ARHGAP30: variants seen among roughly 807,000 people sequenced by gnomAD.
The protein encoded by ARHGAP30 is rho GTPase-activating protein 30.
In ARHGAP30, 23 loss-of-function variants were observed where a neutral mutation model predicts 72.0. The observed-to-expected ratio is 0.32, with a 90% confidence interval of 0.23 to 0.45. The LOEUF (loss-of-function observed/expected upper bound fraction) is 0.45. ARHGAP30 is among the 20% of genes least tolerant of loss of function. The pLI is 1.00. For missense variants in ARHGAP30, 1,319 were observed against 1,383.4 expected (o/e 0.95, Z 0.74); for synonymous variants, 576 against 528.2 (o/e 1.09, Z -1.24).
chr1:161,055,851 TAAA>T (rs1189171804), intron 3 of ARHGAP30, among the ~76,000 whole-genome samples: 2 of 21,126 alleles, frequency 9.5e-5, no homozygotes, highest in Admixed American at 3.9e-4. Flanking sequence ...ATAAATAAAA[TAAA>T]ATAAATAAAA....
intron 3 of ARHGAP30, among the ~76,000 whole-genome samples, chr1:161,055,905 TAAAATA>T (rs1557926827): frequency 3.8e-4 from 10 of 26,572 alleles, no homozygotes; most frequent in Non-Finnish European, 8.3e-4. Flanking sequence ...TAAAATAAAA[TAAAATA>T]AAATAAAATA....
rs143729685 is a variant in ARHGAP30, at chr1:161,048,459, G to A, written c.2562C>T (p.Tyr854=). 532 of 1,613,906 alleles carry A rather than the reference G, an allele frequency of 3.3e-4. No individual in the cohort carries two copies. The highest frequency in any genetic ancestry group is 9.9e-4 in the Middle Eastern group (6 of 6,084). The stretch of plus-strand genomic sequence containing the variant: ...CAGAGAGGGTGTCCTCTTCTAAATA[G>A]TACCCTCCAGCCCTCTGGTCTCCCT... The part of the protein sequence containing the change: ...EAEGDQRAGG[Y]YLEEDTLSEG... The change falls in exon 12 of 12, where the codon TAC becomes TAT. Residue 854 remains tyrosine (Y), a synonymous_variant. Transcript: ENST00000368013.
chr1:161,047,827 C>T lies in ARHGAP30; in HGVS notation c.3194G>A (p.Arg1065His), dbSNP rs749244216. The change falls in exon 12 of 12, where the codon CGT (arginine) becomes CAT (histidine). Residue 1065 changes from arginine to histidine, a missense_variant. Physicochemically the swap from Arg to His is conservative, Grantham distance 29 (BLOSUM62 0). This residue lies in a region of ARHGAP30 where 1,097 missense variants were observed against 1,045.2 expected (regional missense o/e 1.05). Transcript: ENST00000368013. ...EGAEGSGSRSRLSLPPREPQV... is the reference protein window; with the variant it reads ...EGAEGSGSRSHLSLPPREPQV... The stretch of plus-strand genomic sequence containing the variant: ...GGGTTCTCTGGGGGGCAGACTAAGA[C>T]GACTCCGGGATCCAGACCCTTCTGC... The T allele has an allele frequency of 5.0e-6, 8 of 1,610,190 alleles. No individual in the cohort carries two copies. The highest frequency in any genetic ancestry group is 3.3e-5 in the South Asian group (3 of 90,546).
At chr1:161,056,602 AG>A in intron 2 of ARHGAP30, 70 bp from the exon 3 acceptor site, 1 of 1,538,114 alleles carries the variant, frequency 6.5e-7, no homozygotes, top group Non-Finnish European at 8.8e-7. Flanking sequence ...GTCCCTATAG[AG>A]ATGGGTCCCG....
chr1:161,052,041 ACCACCACCACCACC>A (rs1557921078), intron 9 of ARHGAP30, among the ~76,000 whole-genome samples: 10,057 of 33,510 alleles, frequency 0.3, 3,099 homozygotes, highest in Middle Eastern at 0.35. Flanking sequence ...CACCACCACC[ACCACCACCACCACC>A]ACCACATACC....
At chr1:161,063,319 A>G (rs973519151) in intron 1 of ARHGAP30, among the ~76,000 whole-genome samples, 4 of 152,238 alleles carry the variant, frequency 2.6e-5, no homozygotes, top group African/African-American at 9.6e-5. Context: ...AAGAACGTGG[A>G]TTGTGAAGAT....
Position 161,047,956 on chromosome 1 carries a change from G to A in ARHGAP30, c.3065C>T (p.Thr1022Ile). 2 of 1,614,084 alleles carry A rather than the reference G, an allele frequency of 1.2e-6. No individual in the cohort carries two copies. Among genetic ancestry groups the A allele is most frequent in the Middle Eastern group, 3.3e-4 (2 of 6,062 alleles). Residue 1022 changes from threonine (T) to isoleucine (I), a missense_variant, in exon 12 of 12, where the codon ACT becomes ATT. By Grantham distance (89) the Thr-to-Ile change is moderately conservative. Around this residue, in one of 2 missense-constraint regions of ARHGAP30, gnomAD observed 1,097 missense variants for 1,045.2 expected, o/e 1.05. Coordinates refer to ENST00000368013, the MANE Select transcript of ARHGAP30 (RefSeq NM_001025598.2). Reference protein sequence around the residue: ...AQGVRRTQTCTEGGDYCLIPR... With the variant: ...AQGVRRTQTCIEGGDYCLIPR... ...GATGAGGCAGTAATCCCCACCCTCA[G>A]TACAGGTCTGGGTTCGCCGAACTCC...
rs1557924854 is a variant in ARHGAP30 at position 161,054,490 on chromosome 1, C to G, written c.429-17G>C. The G allele has an allele frequency of 6.2e-7, 1 of 1,612,652 alleles. No homozygotes were observed. On this transcript the variant is annotated splice_polypyrimidine_tract_variant and intron_variant, in intron 4 of 11. Coordinates refer to ENST00000368013, the MANE Select transcript of ARHGAP30 (RefSeq NM_001025598.2). ...TCCAGGGTCCTGCAGAAAGCGGGGG[C>G]AGGGATCACACAGGGAATGCCCAGG... is the stretch of plus-strand genomic sequence containing the variant.
intron 1 of ARHGAP30, among the ~76,000 whole-genome samples, chr1:161,060,773 C>T (rs1652258444): frequency 7.0e-6 from 1 of 143,874 alleles, no homozygotes; most frequent in Non-Finnish European, 1.5e-5. Flanking sequence ...GCGATCTTTC[C>T]TTACTGCAAC....
chr1:161,067,610 A>G (rs1456338406), intron 1 of ARHGAP30, among the ~76,000 whole-genome samples: 1 of 149,524 alleles, frequency 6.7e-6, no homozygotes, highest in Non-Finnish European at 1.5e-5. Flanking sequence ...TGAACAATCT[A>G]TCAAAGATTA....
At chr1:161,064,218 A>C (rs572645423) in intron 1 of ARHGAP30, among the ~76,000 whole-genome samples, 1 of 152,338 alleles carries the variant, frequency 6.6e-6, no homozygotes, top group South Asian at 2.1e-4. Context: ...CTGGATGCCC[A>C]GGTTTAACAT....
In ARHGAP30 at chr1:161,048,764, C is replaced by G; in HGVS notation, c.2257G>C (p.Glu753Gln). Residue 753 changes from glutamate (E) to glutamine (Q), a missense_variant, in exon 12 of 12, where the codon GAA becomes CAA. Physicochemically the swap from Glu to Gln is conservative, Grantham distance 29. Coordinates refer to ENST00000368013, the MANE Select transcript of ARHGAP30 (RefSeq NM_001025598.2). ...GCTTCCTCTCTTTGTTCATCCTCTT[C>G]TCTCTCAATTTCTTTTTCCTTCTCA... ...TDEKEKEIEREEDEQREEAQV... is the reference protein window; with the variant it reads ...TDEKEKEIERQEDEQREEAQV... 1 of 1,614,008 alleles carries G rather than the reference C, an allele frequency of 6.2e-7. No individual in the cohort carries two copies. The highest frequency in any genetic ancestry group is 8.5e-7 in the Non-Finnish European group (1 of 1,179,998).
chr1:161,050,853 G>A (rs1308607256), intron 10 of ARHGAP30, among the ~76,000 whole-genome samples: 1 of 152,118 alleles, frequency 6.6e-6, no homozygotes, highest in South Asian at 2.1e-4. Flanking sequence ...TGTTGGGCAG[G>A]CTGGTCTTGA....
chr1:161,054,769 G>A, intron 3 of ARHGAP30, 64 bp from the exon 4 acceptor site: 2 of 1,460,424 alleles, frequency 1.4e-6, no homozygotes, highest in Non-Finnish European at 1.9e-6. Flanking sequence ...TTACTCCCCA[G>A]AGCTTGTAAC....
Position 161,051,531 on chromosome 1 carries a change from G to C in ARHGAP30, c.1203C>G (p.Ser401Arg), listed in dbSNP as rs1003190147. The C allele has an allele frequency of 4.3e-6, 7 of 1,614,228 alleles. No homozygotes were observed. The highest frequency in any genetic ancestry group is 5.9e-6 in the Non-Finnish European group (7 of 1,180,050). ...CACCAGCACAGCGTTCTGCACGGCT[G>C]CTGCCCCCAGCCCGGATGGCTGACC... The part of the protein sequence containing the change: ...AGRSAIRAGG[S>R]SRAERCAGVH... Residue 401 changes from serine to arginine, a missense_variant, in exon 10 of 12, where the codon AGC (serine) becomes AGG (arginine). Around this residue, in one of 2 missense-constraint regions of ARHGAP30, gnomAD observed 1,097 missense variants for 1,045.2 expected, o/e 1.05. Transcript: ENST00000368013.
intron 1 of ARHGAP30, among the ~76,000 whole-genome samples, chr1:161,064,779 A>AAGAAAGAAAGAAGGAAAG (rs1306731099): frequency 1.0e-5 from 1 of 98,068 alleles, no homozygotes; most frequent in African/African-American, 4.2e-5. Flanking sequence ...GAAAGAAAGA[A>AAGAAAGAAAGAAGGAAAG]AAAGAAAGAA....
At chr1:161,064,123 C>T (rs1466887413) in intron 1 of ARHGAP30, among the ~76,000 whole-genome samples, 2 of 152,230 alleles carry the variant, frequency 1.3e-5, no homozygotes, top group Non-Finnish European at 2.9e-5. Context: ...TATACTCCCT[C>T]CCCTTTTGAA....
At chr1:161,056,780 G>C (rs1220121171) in intron 2 of ARHGAP30, among the ~76,000 whole-genome samples, 1 of 152,224 alleles carries the variant, frequency 6.6e-6, no homozygotes, top group Non-Finnish European at 1.5e-5. Context: ...GGATATGTTA[G>C]GGATGTAGCT....
Position 161,048,847 on chromosome 1 carries a change from T to G in ARHGAP30, c.2174A>C (p.Lys725Thr), listed in dbSNP as rs530896501. ...AKEEKSKGQK[K>T]ADSMEAKGVE... ...ACCTTTAGCCTCCATACTGTCAGCC[T>G]TCTTCTGACCTTTGGACTTCTCTTC... Residue 725 changes from lysine to threonine, a missense_variant, in exon 12 of 12, where the codon AAG (lysine) becomes ACG (threonine). Transcript: ENST00000368013. The G allele has an allele frequency of 5.4e-5, 87 of 1,613,902 alleles. 1 individual carries two copies. In the East Asian group the frequency reaches 1.4e-3, roughly 26 times the overall value.
Sources: allele counts gnomAD v4.1 joint callset (sites outside exome capture counted in the v4.1 genomes callset), GRCh38; gene constraint gnomAD v4.1.1; regional missense constraint gnomAD v4.1.1; transcripts MANE v1.5; gene names NCBI Gene and HGNC (gene_info 2026-07-23, HGNC 2026-07-21).